Variants in CNTN6 observed in about 807,000 individuals in gnomAD.
CNTN6 encodes the protein contactin-6.
A neutral mutation model predicts 122.8 loss-of-function variants in CNTN6; 137 were observed. The ratio of observed to expected loss-of-function variants is 1.12; its 90% confidence interval spans 0.97 to 1.29. CNTN6 has a LOEUF of 1.29. Among genes scored for constraint, CNTN6 ranks in the 50% most tolerant of loss-of-function variants. The pLI is 0.00. For missense variants in CNTN6, 1,634 were observed against 1,223.4 expected (o/e 1.34, Z -5.01); for synonymous variants, 570 against 426.0 (o/e 1.34, Z -4.16).
At chr3:1,131,397 T>A (rs1445435884) in intron 1 of CNTN6, among the ~76,000 whole-genome samples, 3 of 137,412 alleles carry the variant, frequency 2.2e-5, no homozygotes, top group African/African-American at 8.3e-5. Context: ...AGTGCCTCAT[T>A]CAAAGGCTGC....
chr3:1,267,176 CTGTT>C lies in CNTN6; in HGVS notation c.359-11234_359-11231del, dbSNP rs201039655. On this transcript the variant is annotated intron_variant, in intron 4 of 22. Transcript: ENST00000446702. ...ACTTCCCCCAGTGACAGGGCAGACTCTGTTTGCTTGCTCTTGGATAAAAAGAAAC... is the reference window on the plus strand; with the variant it reads ...ACTTCCCCCAGTGACAGGGCAGACTCTGCTTGCTCTTGGATAAAAAGAAAC... Among the ~76,000 whole-genome samples the C allele has an allele frequency of 7.2e-5, 11 of 152,146 alleles. No individual in the cohort carries two copies. In the East Asian group the frequency reaches 1.2e-3, roughly 16 times the overall value.
chr3:1,235,851 A>G (rs2125584402), intron 4 of CNTN6, among the ~76,000 whole-genome samples: 1 of 148,012 alleles, frequency 6.8e-6, no homozygotes, highest in Middle Eastern at 3.4e-3. Context: ...AAATAGACTC[A>G]GTGCTGCTGG....
At chr3:1,362,046 A>G (rs1358818470) in intron 12 of CNTN6, among the ~76,000 whole-genome samples, 1 of 152,152 alleles carries the variant, frequency 6.6e-6, no homozygotes, top group African/African-American at 2.4e-5. Flanking sequence ...AAGCAGCTCA[A>G]CCTTGAGTCA....
intron 17 of CNTN6, among the ~76,000 whole-genome samples, chr3:1,378,255 G>C (rs1288567673): frequency 6.6e-6 from 1 of 152,168 alleles, no homozygotes; most frequent in Non-Finnish European, 1.5e-5. Flanking sequence ...ACCGTGGGCT[G>C]TCTGGATCTC....
intron 11 of CNTN6, among the ~76,000 whole-genome samples, chr3:1,346,887 A>G (rs1704808216): frequency 6.6e-6 from 1 of 152,148 alleles, no homozygotes; most frequent in African/African-American, 2.4e-5. Flanking sequence ...TGACCCATCA[A>G]ATAGAAGGTA....
chr3:1,129,337 C>T (rs1273635336), intron 1 of CNTN6, among the ~76,000 whole-genome samples: 1 of 152,044 alleles, frequency 6.6e-6, no homozygotes, highest in Non-Finnish European at 1.5e-5. Context: ...CAAAGTATTG[C>T]ATCTGGGTAA....
chr3:1,257,758 A>G (rs2094783395), intron 4 of CNTN6, among the ~76,000 whole-genome samples: 1 of 152,218 alleles, frequency 6.6e-6, no homozygotes, highest in African/African-American at 2.4e-5. Flanking sequence ...GCTATTCTAC[A>G]AAGCTCAAAG....
At chr3:1,159,258 G>A (rs566429512) in intron 2 of CNTN6, among the ~76,000 whole-genome samples, 2 of 151,738 alleles carry the variant, frequency 1.3e-5, no homozygotes, top group Admixed American at 6.6e-5. Context: ...AGCCCTATAC[G>A]CATTATGTTT....
intron 5 of CNTN6, among the ~76,000 whole-genome samples, chr3:1,287,313 C>T (rs1694518108): frequency 1.3e-5 from 2 of 152,114 alleles, no homozygotes; most frequent in Admixed American, 1.3e-4. Flanking sequence ...TTACTAGATG[C>T]CAATCGCACT....
chr3:1,386,171 T>G (rs1692885910), intron 20 of CNTN6, among the ~76,000 whole-genome samples: 1 of 152,190 alleles, frequency 6.6e-6, no homozygotes, highest in Admixed American at 6.5e-5. Flanking sequence ...GAAAAAGTCA[T>G]ATTTATGTTT....
At chr3:1,158,923 T>TATACAC (rs2093053917) in intron 2 of CNTN6, among the ~76,000 whole-genome samples, 1 of 111,478 alleles carries the variant, frequency 9.0e-6, no homozygotes, top group Non-Finnish European at 1.8e-5. Flanking sequence ...CACACACATA[T>TATACAC]ATATATATAC....
At chr3:1,376,222 C>A (rs1709839693) in intron 16 of CNTN6, among the ~76,000 whole-genome samples, 1 of 152,122 alleles carries the variant, frequency 6.6e-6, no homozygotes, top group Admixed American at 6.6e-5. Flanking sequence ...TCGTGAGGCA[C>A]TACAATACCA....
At chr3:1,251,331 A>G (rs2094664905) in intron 4 of CNTN6, among the ~76,000 whole-genome samples, 1 of 152,174 alleles carries the variant, frequency 6.6e-6, no homozygotes, top group African/African-American at 2.4e-5. Context: ...TCTCCAGTCC[A>G]TGGACTCCAG....
chr3:1,326,113 C>G (rs1448427321), intron 9 of CNTN6, among the ~76,000 whole-genome samples, 162 bp downstream of exon 9: 5 of 151,776 alleles, frequency 3.3e-5, no homozygotes, highest in Non-Finnish European at 7.4e-5. Flanking sequence ...AATAAACTTA[C>G]AAAGTAACCC....
intron 1 of CNTN6, among the ~76,000 whole-genome samples, chr3:1,108,351 A>G (rs1355464041): frequency 3.9e-5 from 6 of 152,044 alleles, no homozygotes; most frequent in African/African-American, 1.4e-4. Context: ...ATTCATTTGT[A>G]TTTTATATAA....
At chr3:1,311,318 G>T (rs942859139) in intron 7 of CNTN6, among the ~76,000 whole-genome samples, 2 of 134,574 alleles carry the variant, frequency 1.5e-5, no homozygotes, top group Admixed American at 7.3e-5. Context: ...CATATAAAAT[G>T]TATATATACA....
At chr3:1,359,636 A>T (rs1474133859) in intron 12 of CNTN6, among the ~76,000 whole-genome samples, 2 of 152,136 alleles carry the variant, frequency 1.3e-5, no homozygotes, top group Non-Finnish European at 2.9e-5. Context: ...TTTAATCTGT[A>T]GATACACGTG....
chr3:1,309,285 T>C (rs1256219943), intron 7 of CNTN6, among the ~76,000 whole-genome samples: 1 of 152,214 alleles, frequency 6.6e-6, no homozygotes, highest in African/African-American at 2.4e-5. Flanking sequence ...TTTTCATTGA[T>C]GGTCCATTTT....
At chr3:1,362,831 A>T (rs1707662835) in intron 12 of CNTN6, among the ~76,000 whole-genome samples, 1 of 151,858 alleles carries the variant, frequency 6.6e-6, no homozygotes, top group Admixed American at 6.6e-5. Context: ...CAATTCAGAC[A>T]AATGCAAAGG....
Sources: allele counts gnomAD v4.1 joint callset (sites outside exome capture counted in the v4.1 genomes callset), GRCh38; gene constraint gnomAD v4.1.1; transcripts MANE v1.5; gene names NCBI Gene and HGNC (gene_info 2026-07-23, HGNC 2026-07-21).